APBB1IP: variants seen among roughly 807,000 people sequenced by gnomAD.
APBB1IP encodes the protein amyloid beta A4 precursor protein-binding family B member 1-interacting protein.
A neutral mutation model predicts 64.9 loss-of-function variants in APBB1IP; 27 were observed. That is an observed-to-expected ratio of 0.42 (90% CI 0.31 to 0.57). The LOEUF is 0.57. Among genes scored for constraint, APBB1IP ranks in the 20% least tolerant of loss-of-function variants. The pLI is 0.20. For missense variants in APBB1IP, 812 were observed against 845.5 expected (o/e 0.96, Z 0.49); for synonymous variants, 392 against 331.0 (o/e 1.18, Z -2.00).
At position 26,560,753 on chromosome 10, in the gene APBB1IP, C is replaced by T; in HGVS notation, c.1278C>T (p.Asn426=). The part of the protein sequence containing the change: ...IAKYGKTLYD[N]YQRAVAKAGL... ...AGTATGGGAAGACTCTCTATGATAA[C>T]TACCAGCGGGCTGTGGCAAAGGCTG... Residue 426 remains asparagine, a synonymous_variant, in exon 13 of 15, where the codon AAC becomes AAT. Transcript: ENST00000376236. The T allele has an allele frequency of 1.2e-6, 2 of 1,601,986 alleles. No homozygotes were observed. The highest frequency in any genetic ancestry group is 8.5e-7 in the Non-Finnish European group (1 of 1,173,652).
At chr10:26,534,957 A>C (rs1286911300) in intron 9 of APBB1IP, among the ~76,000 whole-genome samples, 1 of 152,188 alleles carries the variant, frequency 6.6e-6, no homozygotes, top group Non-Finnish European at 1.5e-5. Flanking sequence ...GTAAACAGAA[A>C]TATTTTCCAG....
chr10:26,488,001 T>C (rs1266460966), intron 2 of APBB1IP, among the ~76,000 whole-genome samples: 1 of 152,222 alleles, frequency 6.6e-6, no homozygotes. Context: ...CAATAATTAC[T>C]CTTAATAATA....
At chr10:26,462,884 G>A (rs185983501) in intron 2 of APBB1IP, among the ~76,000 whole-genome samples, 17 of 152,214 alleles carry the variant, frequency 1.1e-4, no homozygotes, top group African/African-American at 3.6e-4. Flanking sequence ...TGATGACCCC[G>A]ATTGTCGACT....
intron 11 of APBB1IP, among the ~76,000 whole-genome samples, chr10:26,552,597 C>T (rs1238123851): frequency 6.8e-6 from 1 of 146,228 alleles, no homozygotes; most frequent in Non-Finnish European, 1.5e-5. Context: ...AGACCTACCT[C>T]TAAAAAAGAA....
At chr10:26,464,499 C>T (rs1335179257) in intron 2 of APBB1IP, among the ~76,000 whole-genome samples, 1 of 152,134 alleles carries the variant, frequency 6.6e-6, no homozygotes, top group Admixed American at 6.6e-5. Context: ...TTCCCAGGCT[C>T]AAGTGATCCT....
At chr10:26,552,303 G>C (rs1377625712) in intron 11 of APBB1IP, among the ~76,000 whole-genome samples, 2 of 151,892 alleles carry the variant, frequency 1.3e-5, no homozygotes, top group African/African-American at 4.8e-5. Context: ...TGTCTCTAAA[G>C]AAATGCTTAA....
At chr10:26,560,326 AG>A in intron 12 of APBB1IP, 123 bp downstream of exon 12, 1 of 864,008 alleles carries the variant, frequency 1.2e-6, no homozygotes, top group Non-Finnish European at 1.9e-6. Context: ...AGACATTATC[AG>A]GTTTATTCGC....
intron 8 of APBB1IP, among the ~76,000 whole-genome samples, chr10:26,530,773 T>C (rs763556303): frequency 6.6e-6 from 1 of 152,148 alleles, no homozygotes; most frequent in South Asian, 2.1e-4. Context: ...TGTCCTCATC[T>C]GTAAAGTAGC....
intron 11 of APBB1IP, among the ~76,000 whole-genome samples, chr10:26,550,493 G>T (rs1836817313): frequency 6.6e-6 from 1 of 151,624 alleles, no homozygotes; most frequent in South Asian, 2.1e-4. Context: ...CAAATAGCCT[G>T]CCTTCAAGCT....
At chr10:26,540,582 A>G (rs61838874) in intron 10 of APBB1IP, among the ~76,000 whole-genome samples, 199 of 152,318 alleles carry the variant, frequency 1.3e-3, no homozygotes, top group Non-Finnish European at 2.2e-3. Flanking sequence ...ATCCAGAAGA[A>G]AATATCTTGT....
At chr10:26,478,114 G>C (rs535365007) in intron 2 of APBB1IP, among the ~76,000 whole-genome samples, 2 of 152,364 alleles carry the variant, frequency 1.3e-5, no homozygotes, top group South Asian at 4.1e-4. Context: ...AGAGAAAGCA[G>C]AGGTGGTAGA....
chr10:26,486,591 C>T (rs1427752290), intron 2 of APBB1IP, among the ~76,000 whole-genome samples: 2 of 151,994 alleles, frequency 1.3e-5, no homozygotes, highest in East Asian at 3.9e-4. Context: ...CTACTCTGAC[C>T]GATGCAATAA....
Position 26,551,407 on chromosome 10 carries a change from C to T in APBB1IP, c.1156-8698C>T, listed in dbSNP as rs143227466. Among the ~76,000 whole-genome samples the T allele has an allele frequency of 6.4e-3, 974 of 152,296 alleles. 6 individuals carry two copies. The highest frequency in any genetic ancestry group is 0.021 in the African/African-American group (888 of 41,544). ...TAGTCAGGGGAAACCATCCCCTTAC[C>T]GTCCAACTGCGGTTTCACTCATTTT... On this transcript the variant is annotated intron_variant, in intron 11 of 14. Coordinates refer to ENST00000376236, the MANE Select transcript of APBB1IP (RefSeq NM_019043.4).
At chr10:26,477,457 C>T (rs1387548619) in intron 2 of APBB1IP, among the ~76,000 whole-genome samples, 2 of 152,204 alleles carry the variant, frequency 1.3e-5, no homozygotes, top group African/African-American at 4.8e-5. Flanking sequence ...TGGAATGATA[C>T]TTCAAGTGAA....
intron 2 of APBB1IP, among the ~76,000 whole-genome samples, chr10:26,447,428 G>T (rs1835414022): frequency 6.6e-6 from 1 of 150,748 alleles, no homozygotes; most frequent in African/African-American, 2.4e-5. Flanking sequence ...TGGCCAAATG[G>T]AAGAAAGATA....
chr10:26,467,479 T>C (rs1169120989), intron 2 of APBB1IP, among the ~76,000 whole-genome samples: 1 of 152,192 alleles, frequency 6.6e-6, no homozygotes, highest in Non-Finnish European at 1.5e-5. Context: ...TCTGATTCCA[T>C]AATTGTGTTC....
At chr10:26,477,788 A>G (rs1304007891) in intron 2 of APBB1IP, among the ~76,000 whole-genome samples, 1 of 152,108 alleles carries the variant, frequency 6.6e-6, no homozygotes, top group African/African-American at 2.4e-5. Context: ...CTTGAATGCA[A>G]TGTTAGATCA....
Position 26,560,836 on chromosome 10 carries a change from C to A in APBB1IP, c.1361C>A (p.Pro454Gln). ...GTCAATGCAGCTGCACCAGCTCAGCCATCTACAGGTACTAAGTGGAGGAGA... is the reference window on the plus strand; with the variant it reads ...GTCAATGCAGCTGCACCAGCTCAGCAATCTACAGGTACTAAGTGGAGGAGA... ...GTVNAAAPAQ[P>Q]STGPKTGTTQ... Residue 454 changes from proline (P) to glutamine (Q), a missense_variant, in exon 13 of 15, where the codon CCA (proline) becomes CAA (glutamine). Pro to Gln is a moderately conservative substitution (Grantham distance 76, BLOSUM62 -1). This residue lies in a region of APBB1IP where 381 missense variants were observed against 352.1 expected (regional missense o/e 1.08). Coordinates refer to ENST00000376236, the MANE Select transcript of APBB1IP (RefSeq NM_019043.4). 1 of 1,592,340 alleles carries A rather than the reference C, an allele frequency of 6.3e-7. No individual in the cohort carries two copies. The highest frequency in any genetic ancestry group is 8.5e-7 in the Non-Finnish European group (1 of 1,170,558).
intron 10 of APBB1IP, among the ~76,000 whole-genome samples, chr10:26,539,407 G>A (rs1588611265): frequency 1.1e-4 from 13 of 122,042 alleles, no homozygotes; most frequent in South Asian, 5.6e-4. Context: ...ATGAGATCCT[G>A]AAAAAAAAAA....
Sources: gnomAD v4.1 joint callset for allele counts (sites outside exome capture counted in the v4.1 genomes callset) on GRCh38, gnomAD v4.1.1 for gene constraint, gnomAD v4.1.1 regional missense constraint, MANE v1.5 for transcripts, NCBI Gene and HGNC (gene_info 2026-07-23, HGNC 2026-07-21) for gene names.